CFAP46: variants seen among roughly 807,000 people sequenced by gnomAD.
CFAP46 encodes cilia- and flagella-associated protein 46.
Under a neutral mutation model 325.7 loss-of-function variants are expected in CFAP46, and 245 were observed. That is an observed-to-expected ratio of 0.75 (90% CI 0.68 to 0.84). The LOEUF (loss-of-function observed/expected upper bound fraction) is 0.84, where lower values mean the gene tolerates loss of function less well. CFAP46 is among the 40% of genes least tolerant of loss of function. The probability of loss-of-function intolerance (pLI) is 0.00; values close to 1 mark genes in which losing one functional copy is unlikely to be tolerated. For missense variants in CFAP46, 3,346 were observed against 3,543.0 expected (o/e 0.94, Z 1.41); for synonymous variants, 1,523 against 1,495.9 (o/e 1.02, Z -0.42).
rs1319353090 is a variant in CFAP46, at chr10:132,833,933, G to A, written c.6949+108C>T. 6.1e-6 allele frequency: 6 copies of A among 987,224 alleles called. No individual in the cohort carries two copies. The East Asian group carries it at 1.2e-4, about 20-fold the overall frequency. 61.2% of individuals were successfully genotyped at this position (987,224 alleles called of 1,614,324 possible). A position where few individuals can be genotyped will look rare whatever the true frequency, so the allele number is the denominator to read the frequency against. ...GAGCAGCAGGGCTTGTGGGACTCCT[G>A]GGTTCCTGACCCCCCCTGGCGTTCC... On this transcript the variant is annotated intron_variant, in intron 49 of 57. Coordinates refer to ENST00000368586, the MANE Select transcript of CFAP46 (RefSeq NM_001200049.3).
At position 132,808,552 on chromosome 10, in the gene CFAP46, A is replaced by G. The variant is rs575350273; in HGVS notation, c.8017T>C (p.Trp2673Arg). 1.2e-6 allele frequency: 2 copies of G among 1,612,978 alleles called. No individual in the cohort carries two copies. The highest frequency in any genetic ancestry group is 2.2e-5 in the East Asian group (1 of 44,878). The change falls in exon 58 of 58, where the codon TGG becomes CGG. Residue 2673 changes from tryptophan to arginine, a missense_variant. By Grantham distance (101) the Trp-to-Arg change is moderately radical. Coordinates refer to ENST00000368586, the MANE Select transcript of CFAP46 (RefSeq NM_001200049.3). The surrounding 1 kb of genome is among the most constrained non-coding windows in gnomAD (Gnocchi z 6.8). ...TSSSACLCAP[W>R]GLRRGWSCVS... is the part of the protein sequence containing the mutation. Reference sequence around the variant, plus strand: ...CAGCTCCAGCCCCGACGCAGACCCCATGGCGCACACAGGCAGGCAGAGCTC... The same window carrying G: ...CAGCTCCAGCCCCGACGCAGACCCCGTGGCGCACACAGGCAGGCAGAGCTC...
Position 132,877,100 on chromosome 10 carries a change from G to A in CFAP46, c.4213-139C>T, listed in dbSNP as rs1003772736. 83 of 782,160 alleles carry A rather than the reference G, an allele frequency of 1.1e-4. No homozygotes were observed. Among genetic ancestry groups the A allele is most frequent in the Non-Finnish European group, 1.4e-4 (69 of 492,250 alleles). The allele number at this position is 782,160 out of a possible 1,614,324, so 48.5% of individuals were successfully genotyped here. A position where few individuals can be genotyped will look rare whatever the true frequency, so the allele number is the denominator to read the frequency against. ...ATCCTCCCCACCACCAGGTCCCAGC[G>A]AGTGCCCAGATCCAGCCTCTGATAC... On this transcript the variant is annotated intron_variant, in intron 30 of 57. Coordinates refer to ENST00000368586, the MANE Select transcript of CFAP46 (RefSeq NM_001200049.3). The surrounding 1 kb of genome is among the most constrained non-coding windows in gnomAD (Gnocchi z 5.7).
chr10:132,829,099 A>T (rs1848108221), intron 50 of CFAP46, among the ~76,000 whole-genome samples: 1 of 146,404 alleles, frequency 6.8e-6, no homozygotes, highest in South Asian at 2.2e-4. Context: ...AAAAAAAAAA[A>T]ACATCCTGTG....
intron 27 of CFAP46, among the ~76,000 whole-genome samples, chr10:132,882,501 G>A (rs928880609): frequency 1.3e-5 from 2 of 151,948 alleles, no homozygotes; most frequent in Non-Finnish European, 2.9e-5. Context: ...GAGGGGGAAG[G>A]CAAGAAGAAG....
rs750212353 is a variant in CFAP46 at position 132,850,437 on chromosome 10, G to A, written c.5764-5C>T. ...CCGCTTCAGCGTGAACCATTGCTTC[G>A]AAAAGACAGACATGTTACAGCTGCC... On this transcript the variant is annotated splice_region_variant and splice_polypyrimidine_tract_variant and intron_variant, in intron 40 of 57. Transcript: ENST00000368586. 8.6e-5 allele frequency: 133 copies of A among 1,552,590 alleles called. No homozygotes were observed. Among genetic ancestry groups the A allele is most frequent in the Non-Finnish European group, 1.1e-4 (121 of 1,145,738 alleles).
At chr10:132,848,274 C>T (rs1258801799) in intron 41 of CFAP46, among the ~76,000 whole-genome samples, 24 of 152,116 alleles carry the variant, frequency 1.6e-4, no homozygotes, top group Admixed American at 1.5e-3. Flanking sequence ...ATTTATAAAA[C>T]GGACTTAGAG....
In CFAP46 at chr10:132,919,026, G is replaced by T. The variant is rs1480111299; in HGVS notation, c.1858+289C>A. Among the ~76,000 whole-genome samples, 1 of 152,186 alleles carries T rather than the reference G, an allele frequency of 6.6e-6. No homozygotes were observed. Among genetic ancestry groups the T allele is most frequent in the East Asian group, 1.9e-4 (1 of 5,184 alleles). ...CTCTGCCTGCAGGTGCCCCGCATGG[G>T]CATCTGCTCACTGGCTGTGGTGGCC... On this transcript the variant is annotated intron_variant, in intron 15 of 57. Coordinates refer to ENST00000368586, the MANE Select transcript of CFAP46 (RefSeq NM_001200049.3). This position sits in a 1 kb window ranked among gnomAD's most constrained non-coding sequence, Gnocchi z 9.7.
Position 132,808,556 on chromosome 10 carries a change from C to T in CFAP46, c.8013G>A (p.Ala2671=), listed in dbSNP as rs543143409. ...TCCAGCCCCGACGCAGACCCCATGGCGCACACAGGCAGGCAGAGCTCGAGG... is the reference window on the plus strand; with the variant it reads ...TCCAGCCCCGACGCAGACCCCATGGTGCACACAGGCAGGCAGAGCTCGAGG... ...AWTSSSACLC[A]PWGLRRGWSC... Residue 2671 remains alanine (A), a synonymous_variant, in exon 58 of 58, where the codon GCG becomes GCA. Transcript: ENST00000368586. This position sits in a 1 kb window ranked among gnomAD's most constrained non-coding sequence, Gnocchi z 6.8. 6.9e-5 allele frequency: 111 copies of T among 1,612,884 alleles called. No individual in the cohort carries two copies. The highest frequency in any genetic ancestry group is 1.6e-4 in the Middle Eastern group (1 of 6,084).
intron 27 of CFAP46, 23 bp downstream of exon 27, chr10:132,885,071 TACCACGTGC>T: frequency 6.6e-7 from 1 of 1,523,008 alleles, no homozygotes; most frequent in Non-Finnish European, 8.8e-7. Flanking sequence ...GGACAAATTT[TACCACGTGC>T]ACCCACGCTT....
intron 19 of CFAP46, among the ~76,000 whole-genome samples, chr10:132,911,475 G>A (rs953533993): frequency 6.6e-5 from 10 of 152,168 alleles, no homozygotes; most frequent in Admixed American, 6.5e-5. Flanking sequence ...TGCCCCTGCG[G>A]AGACACTCAA....
intron 43 of CFAP46, among the ~76,000 whole-genome samples, 180 bp from the exon 44 acceptor site, chr10:132,846,407 G>C (rs533383492): frequency 1.3e-5 from 2 of 152,354 alleles, no homozygotes; most frequent in Non-Finnish European, 2.9e-5. Context: ...GGCCACGCTT[G>C]TTCCCTCTGT....
At position 132,817,207 on chromosome 10, in the gene CFAP46, G is replaced by A. The variant is rs568183085; in HGVS notation, c.7118-2293C>T. ...CATACCTCTGAGGAGGCGAACTTTC[G>A]ATTCTCATGATGTCCATGTCCCTAA... is the stretch of plus-strand genomic sequence containing the variant. On this transcript the variant is annotated intron_variant, in intron 50 of 57. Coordinates refer to ENST00000368586, the MANE Select transcript of CFAP46 (RefSeq NM_001200049.3). This position sits in a 1 kb window ranked among gnomAD's most constrained non-coding sequence, Gnocchi z 4.4. Among the ~76,000 whole-genome samples the A allele has an allele frequency of 3.3e-5, 5 of 152,150 alleles. No individual in the cohort carries two copies. The highest frequency in any genetic ancestry group is 9.7e-5 in the African/African-American group (4 of 41,422).
intron 9 of CFAP46, among the ~76,000 whole-genome samples, chr10:132,927,858 T>C (rs1336951694): frequency 2.0e-5 from 3 of 152,254 alleles, no homozygotes; most frequent in African/African-American, 7.2e-5. Flanking sequence ...AGATCCTGAA[T>C]GTCTAACAGT....
At chr10:132,911,081 GCCCACAGCAGGCTCAGCTGCA>G (rs2135538051) in intron 19 of CFAP46, among the ~76,000 whole-genome samples, 2 of 152,266 alleles carry the variant, frequency 1.3e-5, no homozygotes, top group South Asian at 4.2e-4. Context: ...GCCTCCCAGG[GCCCACAGCAGGCTCAGCTGCA>G]CCCACAGCTG....
chr10:132,857,870 T>C (rs1309481140), intron 38 of CFAP46, 82 bp from the exon 39 acceptor site: 2 of 1,168,620 alleles, frequency 1.7e-6, no homozygotes, highest in Non-Finnish European at 2.4e-6. Flanking sequence ...TATCATACTG[T>C]ATATTTTATT....
At chr10:132,898,937 G>GC (rs746785017) in intron 24 of CFAP46, 22 bp downstream of exon 24, 88 of 1,550,170 alleles carry the variant, frequency 5.7e-5, no homozygotes, top group Non-Finnish European at 7.3e-5. Context: ...GGAGTCAGGA[G>GC]CCCCCTCCAG....
chr10:132,851,022 A>C (rs909281665), intron 40 of CFAP46, 95 bp downstream of exon 40: 7 of 1,457,180 alleles, frequency 4.8e-6, no homozygotes, highest in Admixed American at 1.8e-5. Flanking sequence ...CCAGGTGCAC[A>C]GTGGTGGAGA....
At chr10:132,902,285 T>C (rs1417957640) in intron 22 of CFAP46, among the ~76,000 whole-genome samples, 1 of 151,694 alleles carries the variant, frequency 6.6e-6, no homozygotes, top group Non-Finnish European at 1.5e-5. Flanking sequence ...CGGAAAGCTC[T>C]GTGGCCCCAC....
intron 50 of CFAP46, among the ~76,000 whole-genome samples, chr10:132,815,777 C>A (rs1166968030): frequency 6.6e-6 from 1 of 151,966 alleles, no homozygotes; most frequent in African/African-American, 2.4e-5. Context: ...CAGAGCGAGA[C>A]CGTCAGGAAG....
Sources: gnomAD v4.1 joint callset for allele counts (sites outside exome capture counted in the v4.1 genomes callset) on GRCh38, gnomAD v4.1.1 for gene constraint, Gnocchi (gnomAD v3.1) non-coding constraint, MANE v1.5 for transcripts, NCBI Gene and HGNC (gene_info 2026-07-23, HGNC 2026-07-21) for gene names.